Variants in COL12A1 observed in about 807,000 individuals in gnomAD.
The protein encoded by COL12A1 is collagen alpha-1(XII) chain.
A neutral mutation model predicts 349.7 loss-of-function variants in COL12A1; 114 were observed. The ratio of observed to expected loss-of-function variants is 0.33; its 90% CI spans 0.28 to 0.38. The LOEUF is 0.38. Among genes scored for constraint, COL12A1 ranks in the 10% least tolerant of loss-of-function variants. The pLI is 1.00. For missense variants in COL12A1, 3,284 were observed against 3,756.9 expected (o/e 0.87, Z 3.29); for synonymous variants, 1,369 against 1,329.0 (o/e 1.03, Z -0.66).
At chr6:75,161,153 T>G (rs551620345) in intron 14 of COL12A1, among the ~76,000 whole-genome samples, 1 of 152,066 alleles carries the variant, frequency 6.6e-6, no homozygotes, top group Admixed American at 6.6e-5. Context: ...CTTTGAGATG[T>G]GGGAGGTAAC....
intron 14 of COL12A1, among the ~76,000 whole-genome samples, chr6:75,164,480 G>A (rs1031875649): frequency 3.3e-5 from 5 of 152,058 alleles, no homozygotes; most frequent in African/African-American, 1.2e-4. Context: ...CAAAACAAAA[G>A]GATTAAAGTT....
At chr6:75,113,390 G>T in intron 50 of COL12A1, 77 bp from the exon 51 acceptor site, 1 of 1,050,186 alleles carries the variant, frequency 9.5e-7, no homozygotes, top group East Asian at 3.0e-5. Context: ...AATAATTCTT[G>T]TTGGAGAGAT....
In COL12A1 at chr6:75,177,273, C is replaced by T. The variant is rs559527441; in HGVS notation, c.2437+390G>A. On this transcript the variant is annotated intron_variant, in intron 12 of 65. Coordinates refer to ENST00000322507, the MANE Select transcript of COL12A1 (RefSeq NM_004370.6). ...CCAACATGGTGAAACCCTCTTTCTA[C>T]TAAAAATACAAAAATTAGCTGGGTG... is the stretch of plus-strand genomic sequence containing the variant. Among the ~76,000 whole-genome samples the T allele has an allele frequency of 2.0e-5, 3 of 152,042 alleles. No homozygotes were observed. The East Asian group carries it at 5.8e-4, about 29-fold the overall frequency.
intron 21 of COL12A1, 102 bp from the exon 22 acceptor site, chr6:75,148,599 T>C: frequency 1.0e-6 from 1 of 979,360 alleles, no homozygotes; most frequent in East Asian, 2.6e-5. Flanking sequence ...ATTCTAAGCT[T>C]TCACACACTT....
At chr6:75,144,857 A>G (rs1184842145) in intron 25 of COL12A1, among the ~76,000 whole-genome samples, 2 of 152,250 alleles carry the variant, frequency 1.3e-5, no homozygotes, top group East Asian at 3.8e-4. Context: ...AACAGACTTA[A>G]TCATATGTGC....
At chr6:75,159,587 T>G (rs1215508157) in intron 14 of COL12A1, among the ~76,000 whole-genome samples, 1 of 151,466 alleles carries the variant, frequency 6.6e-6, no homozygotes, top group African/African-American at 2.4e-5. Context: ...GTCACAAATA[T>G]CAAATAAGTT....
chr6:75,106,361 G>C lies in COL12A1; in HGVS notation c.8178+58C>G, dbSNP rs1246842633. 14 of 1,413,214 alleles carry C rather than the reference G, an allele frequency of 9.9e-6. 1 individual carries two copies. The Admixed American group carries it at 2.2e-4, about 22-fold the overall frequency. The allele number at this position is 1,413,214 out of a possible 1,614,324, so 87.5% of individuals were successfully genotyped here. The stretch of plus-strand genomic sequence containing the variant: ...GTGCTACTTCCTCTCCCAGGCACAA[G>C]GGTTTATTACTGGGGGACTGTTAAA... On this transcript the variant is annotated intron_variant, in intron 53 of 65. Transcript: ENST00000322507.
chr6:75,201,342 C>T (rs866244172), intron 2 of COL12A1, among the ~76,000 whole-genome samples: 3 of 152,200 alleles, frequency 2.0e-5, no homozygotes, highest in African/African-American at 7.2e-5. Flanking sequence ...CCTCTACATT[C>T]ATAAAATATT....
rs1324012254 is a variant in COL12A1 at position 75,134,870 on chromosome 6, G to C, written c.5395-15C>G. On this transcript the variant is annotated splice_polypyrimidine_tract_variant and intron_variant, in intron 31 of 65. Transcript: ENST00000322507. ...CCTATTGTGGTCTTGAGTAAAAAGG[G>C]TCTTGGTAAGTGTCAGCCTTGCTCT... 4 of 1,606,648 alleles carry C rather than the reference G, an allele frequency of 2.5e-6. No homozygotes were observed. The highest frequency in any genetic ancestry group is 4.5e-5 in the East Asian group (2 of 44,782).
intron 28 of COL12A1, 41 bp from the exon 29 acceptor site, chr6:75,138,621 G>A (rs1766744079): frequency 6.2e-7 from 1 of 1,608,134 alleles, no homozygotes; most frequent in African/African-American, 1.3e-5. Flanking sequence ...GCAAAAGTAA[G>A]TCTCCACTTA....
In COL12A1 at chr6:75,085,342, C is replaced by A. The variant is rs530455359; in HGVS notation, c.*1205G>T. On this transcript the variant is annotated 3_prime_UTR_variant, in exon 66 of 66. Transcript: ENST00000322507. Reference sequence around the variant, plus strand: ...AAGGGCTCGCGCTCAGGCAGGTAGGCCCCGCCCTCGGGCACGTAAGGCTCT... The same window carrying A: ...AAGGGCTCGCGCTCAGGCAGGTAGGACCCGCCCTCGGGCACGTAAGGCTCT... 1 of 471,098 alleles carries A rather than the reference C, an allele frequency of 2.1e-6. No individual in the cohort carries two copies. The highest frequency in any genetic ancestry group is 7.0e-5 in the East Asian group (1 of 14,384). The allele number at this position is 471,098 out of a possible 1,614,324, so 29.2% of individuals were successfully genotyped here. A position where few individuals can be genotyped will look rare whatever the true frequency, so the allele number is the denominator to read the frequency against.
At chr6:75,107,012 G>A (rs930486217) in intron 52 of COL12A1, among the ~76,000 whole-genome samples, 22 of 140,592 alleles carry the variant, frequency 1.6e-4, no homozygotes, top group Admixed American at 1.3e-3. Context: ...AATGCTTTTC[G>A]TGCCTCAGTC....
chr6:75,121,190 A>C (rs940220067), intron 44 of COL12A1, 112 bp downstream of exon 44: 2 of 965,418 alleles, frequency 2.1e-6, no homozygotes, highest in Non-Finnish European at 2.8e-6. Flanking sequence ...AATAGCAAAT[A>C]GGAGAAGGTC....
In COL12A1 at chr6:75,095,187, A is replaced by G. The variant is rs2149333586; in HGVS notation, c.8578-8T>C. ...TGGGGAGCCTGGGCTTCCCTACAAC[A>G]CATGGAAAGGGAAGGGGACTGTTAT... On this transcript the variant is annotated splice_polypyrimidine_tract_variant and splice_region_variant and intron_variant, in intron 59 of 65. Coordinates refer to ENST00000322507, the MANE Select transcript of COL12A1 (RefSeq NM_004370.6). 6 of 1,610,878 alleles carry G rather than the reference A, an allele frequency of 3.7e-6. No individual in the cohort carries two copies. Among genetic ancestry groups the G allele is most frequent in the Non-Finnish European group, 5.1e-6 (6 of 1,177,540 alleles).
At chr6:75,124,413 G>A (rs1219031580) in intron 40 of COL12A1, 42 bp from the exon 41 acceptor site, 6 of 1,409,492 alleles carry the variant, frequency 4.3e-6, no homozygotes, top group Non-Finnish European at 5.9e-6. Flanking sequence ...TGTAAATTGA[G>A]GCAAAAAGTG....
At chr6:75,167,328 A>C (rs240716) in intron 13 of COL12A1, among the ~76,000 whole-genome samples, 7,035 of 152,156 alleles carry the variant, frequency 0.046, 399 homozygotes, top group African/African-American at 0.13. Context: ...TGATATATAC[A>C]ATTTTCAATA....
At chr6:75,205,137 G>A (rs1180149731) in intron 1 of COL12A1, among the ~76,000 whole-genome samples, 1 of 151,472 alleles carries the variant, frequency 6.6e-6, no homozygotes, top group African/African-American at 2.4e-5. Flanking sequence ...AATGCACCGG[G>A]AGGGAGTCGG....
intron 17 of COL12A1, 93 bp from the exon 18 acceptor site, chr6:75,152,575 T>C: frequency 7.0e-7 from 1 of 1,433,058 alleles, no homozygotes; most frequent in South Asian, 1.2e-5. Flanking sequence ...GGATCCTCAG[T>C]GTTGCCTGTC....
intron 14 of COL12A1, among the ~76,000 whole-genome samples, chr6:75,158,880 A>T (rs1767892450): frequency 6.6e-6 from 1 of 152,088 alleles, no homozygotes; most frequent in African/African-American, 2.4e-5. Flanking sequence ...GCTGTGTGAC[A>T]ACTTCAAGCA....
Sources: gnomAD v4.1 joint callset for allele counts (sites outside exome capture counted in the v4.1 genomes callset) on GRCh38, gnomAD v4.1.1 for gene constraint, MANE v1.5 for transcripts, NCBI Gene and HGNC (gene_info 2026-07-23, HGNC 2026-07-21) for gene names.